The following CAP2 variants were observed in gnomAD, a reference collection of about 807,000 sequenced individuals.
The protein encoded by CAP2 is cyclase associated actin cytoskeleton regulatory protein 2, also known as adenylyl cyclase-associated protein 2.
Under a neutral mutation model 57.7 loss-of-function variants are expected in CAP2, and 24 were observed. The ratio of observed to expected loss-of-function variants is 0.42; its 90% confidence interval spans 0.30 to 0.58. CAP2 has a LOEUF of 0.58. Ranked by LOEUF, CAP2 falls within the 20% of genes least tolerant of loss-of-function variation. The pLI is 0.22. For synonymous variants in CAP2, 194 were observed against 207.2 expected (o/e 0.94, Z 0.55); for missense variants, 501 against 590.3 (o/e 0.85, Z 1.57).
intron 3 of CAP2, among the ~76,000 whole-genome samples, chr6:17,440,210 G>A (rs1465919862): frequency 6.6e-6 from 1 of 151,632 alleles, no homozygotes. Flanking sequence ...GTAGGATTAA[G>A]TTTTTCTGCA....
intron 1 of CAP2, among the ~76,000 whole-genome samples, chr6:17,402,632 A>C (rs778317958): frequency 2.6e-5 from 4 of 152,232 alleles, no homozygotes; most frequent in Non-Finnish European, 5.9e-5. Flanking sequence ...CAGTCAGTTC[A>C]AAGGAGATCA....
rs531951980 is a variant in CAP2 at position 17,545,129 on chromosome 6, G to A, written c.1209+1986G>A. Among the ~76,000 whole-genome samples the A allele has an allele frequency of 2.6e-4, 40 of 152,282 alleles. No homozygotes were observed. In the South Asian group the frequency reaches 7.3e-3, roughly 28 times the overall value. On this transcript the variant is annotated intron_variant, in intron 11 of 12. Transcript: ENST00000229922. Reference sequence around the variant, plus strand: ...AAGTAACAGCAGTGAAGTAATATTTGATGGCAGAGGTGAGGGTACATGTTT... The same window carrying A: ...AAGTAACAGCAGTGAAGTAATATTTAATGGCAGAGGTGAGGGTACATGTTT...
At chr6:17,554,346 C>T (rs1763245356) in intron 12 of CAP2, among the ~76,000 whole-genome samples, 1 of 152,194 alleles carries the variant, frequency 6.6e-6, no homozygotes, top group Non-Finnish European at 1.5e-5. Flanking sequence ...ATTACCATCC[C>T]CACTCCTGGG....
At chr6:17,480,693 C>T (rs1761264627) in intron 4 of CAP2, among the ~76,000 whole-genome samples, 1 of 151,752 alleles carries the variant, frequency 6.6e-6, no homozygotes, top group Non-Finnish European at 1.5e-5. Context: ...CTCTGGTATT[C>T]ACACAAACAG....
At chr6:17,493,378 G>T in intron 4 of CAP2, 1 of 369,902 alleles carries the variant, frequency 2.7e-6, no homozygotes, top group Non-Finnish European at 5.5e-6. Context: ...TCTCTCTACA[G>T]GCCAACAAGT....
At chr6:17,438,433 G>GGT (rs1759964097) in intron 3 of CAP2, among the ~76,000 whole-genome samples, 1 of 58,374 alleles carries the variant, frequency 1.7e-5, no homozygotes, top group Non-Finnish European at 2.8e-5. Flanking sequence ...ATCCAGAAGT[G>GGT]TTTTTTTTTT....
intron 11 of CAP2, among the ~76,000 whole-genome samples, chr6:17,549,078 C>T (rs573806268): frequency 6.6e-6 from 1 of 152,186 alleles, no homozygotes; most frequent in East Asian, 1.9e-4. Context: ...TCATATGAAG[C>T]TGAAAGACAA....
chr6:17,454,993 AG>A (rs899336032), intron 3 of CAP2, among the ~76,000 whole-genome samples: 1 of 152,150 alleles, frequency 6.6e-6, no homozygotes, highest in Non-Finnish European at 1.5e-5. Context: ...GTTTTGTTAC[AG>A]TAGGTTGTTA....
intron 4 of CAP2, among the ~76,000 whole-genome samples, chr6:17,501,789 G>A (rs557544957): frequency 2.0e-5 from 3 of 152,314 alleles, no homozygotes; most frequent in Admixed American, 2.0e-4. Flanking sequence ...GCAGAAGCTA[G>A]GGTCATAAAG....
intron 11 of CAP2, among the ~76,000 whole-genome samples, chr6:17,547,796 G>C (rs533095982): frequency 1.3e-5 from 2 of 149,078 alleles, no homozygotes; most frequent in African/African-American, 2.5e-5. Context: ...AGCTGAGATC[G>C]CGCCACTGCA....
At chr6:17,522,507 C>T (rs1350205723) in intron 7 of CAP2, among the ~76,000 whole-genome samples, 4 of 152,018 alleles carry the variant, frequency 2.6e-5, no homozygotes, top group Non-Finnish European at 5.9e-5. Context: ...TGGGTGGGCA[C>T]GAAGAGCCAC....
rs925187477 is a variant in CAP2, at chr6:17,556,306, T to A, written c.1351-53T>A. On this transcript the variant is annotated intron_variant, in intron 12 of 12. Transcript: ENST00000229922. Reference sequence around the variant, plus strand: ...TCTGTTTGCAAAAGGAAGCCTTAGTTTAAATAACTTTGTTGTAGTTTAAAT... The same window carrying A: ...TCTGTTTGCAAAAGGAAGCCTTAGTATAAATAACTTTGTTGTAGTTTAAAT... 15 of 1,302,566 alleles carry A rather than the reference T, an allele frequency of 1.2e-5. No individual in the cohort carries two copies. In the African/African-American group the frequency reaches 2.2e-4, roughly 19 times the overall value. The allele number at this position is 1,302,566 out of a possible 1,614,324, so 80.7% of individuals were successfully genotyped here. A position where few individuals can be genotyped will look rare whatever the true frequency, so the allele number is the denominator to read the frequency against.
chr6:17,555,992 G>T lies in CAP2; in HGVS notation c.1351-367G>T, dbSNP rs549392763. 1.3e-4 allele frequency among the ~76,000 whole-genome samples: 20 copies of T among 152,256 alleles called. No individual in the cohort carries two copies. The South Asian group carries it at 3.9e-3, about 30-fold the overall frequency. On this transcript the variant is annotated intron_variant, in intron 12 of 12. Coordinates refer to ENST00000229922, the MANE Select transcript of CAP2 (RefSeq NM_006366.3). ...GCTGTTACTGGCCACATCATTTGGG[G>T]CCAGTTGCTTACTCTCAGGCCTCTG...
rs1763331789 is a variant in CAP2, at chr6:17,557,130, A to G, written c.*688A>G. 6.6e-6 allele frequency: 1 copy of G among 151,580 alleles called. No homozygotes were observed. Among genetic ancestry groups the G allele is most frequent in the African/African-American group, 2.4e-5 (1 of 41,144 alleles). 9.4% of individuals were successfully genotyped at this position (151,580 alleles called of 1,614,324 possible). On this transcript the variant is annotated 3_prime_UTR_variant, in exon 13 of 13. Transcript: ENST00000229922. The stretch of plus-strand genomic sequence containing the variant: ...ATTTGAAAACTTGCTTTTCTTCTGC[A>G]TAAGAGATTCTTATGCCAAAAACAT...
chr6:17,528,884 C>T (rs1581597861), intron 7 of CAP2, among the ~76,000 whole-genome samples: 1 of 152,132 alleles, frequency 6.6e-6, no homozygotes, highest in Admixed American at 6.5e-5. Flanking sequence ...TGGAAAGGCC[C>T]CCAGAAACTT....
At chr6:17,534,947 G>A (rs13217895) in intron 7 of CAP2, among the ~76,000 whole-genome samples, 14,433 of 152,168 alleles carry the variant, frequency 0.095, 752 homozygotes, top group East Asian at 0.23. Context: ...CAGTGAGTAC[G>A]CAGGAAAAAT....
intron 11 of CAP2, among the ~76,000 whole-genome samples, chr6:17,543,896 G>T (rs866576914): frequency 9.2e-5 from 14 of 151,984 alleles, no homozygotes; most frequent in African/African-American, 3.4e-4. Flanking sequence ...AGGCCAAGGC[G>T]GGTGGATCAC....
chr6:17,444,775 T>C (rs1224030895), intron 3 of CAP2, among the ~76,000 whole-genome samples: 1 of 150,372 alleles, frequency 6.7e-6, no homozygotes, highest in Admixed American at 6.7e-5. Context: ...TAGATTGCCA[T>C]GTCTCTGTAG....
chr6:17,427,081 A>T (rs1338628512), intron 3 of CAP2, among the ~76,000 whole-genome samples: 1 of 152,200 alleles, frequency 6.6e-6, no homozygotes, highest in Non-Finnish European at 1.5e-5. Flanking sequence ...ATTGCTTGAG[A>T]TAGGAAGGTG....
Sources: gnomAD v4.1 joint callset for allele counts (sites outside exome capture counted in the v4.1 genomes callset) on GRCh38, gnomAD v4.1.1 for gene constraint, MANE v1.5 for transcripts, NCBI Gene and HGNC (gene_info 2026-07-23, HGNC 2026-07-21) for gene names.